The following ATP13A3 variants were observed in gnomAD, a reference collection of about 807,000 sequenced individuals.
ATP13A3 encodes polyamine-transporting ATPase 13A3.
In ATP13A3, 59 loss-of-function variants were observed where a neutral mutation model predicts 158.1. The ratio of observed to expected loss-of-function variants is 0.37; its 90% CI spans 0.30 to 0.46. The LOEUF (loss-of-function observed/expected upper bound fraction) is 0.46. Among genes scored for constraint, ATP13A3 ranks in the 20% least tolerant of loss-of-function variants. The pLI, the probability that ATP13A3 is intolerant of heterozygous loss-of-function variation, is 1.00. For synonymous variants in ATP13A3, 491 were observed against 504.3 expected, an observed-to-expected ratio of 0.97 and a Z score of 0.35; for missense variants, 1,166 against 1,525.2, an observed-to-expected ratio of 0.76 and a Z score of 3.92.
chr3:194,459,257 C>T (rs535486487), intron 6 of ATP13A3: 6 of 511,794 alleles, frequency 1.2e-5, no homozygotes, highest in Admixed American at 7.0e-5. Flanking sequence ...CTCTAAGTTT[C>T]ATGTAAACTC....
intron 6 of ATP13A3, chr3:194,459,045 A>G (rs1474272505): frequency 1.3e-5 from 2 of 158,390 alleles, no homozygotes; most frequent in African/African-American, 2.4e-5. Flanking sequence ...AGCTTGCCCC[A>G]TTCTTTATCT....
intron 3 of ATP13A3, 109 bp downstream of exon 3, chr3:194,462,031 G>T: frequency 9.9e-7 from 1 of 1,009,320 alleles, no homozygotes; most frequent in Non-Finnish European, 1.5e-6. Context: ...AGCCCATTGA[G>T]TTAGCTGCTG....
At chr3:194,468,386 T>TAAAAAAAAAAAAAAAAA (rs35011462) in intron 2 of ATP13A3, 17 of 111,872 alleles carry the variant, frequency 1.5e-4, no homozygotes, top group African/African-American at 6.7e-4. Context: ...TGTGTGAGTT[T>TAAAAAAAAAAAAAAAAA]AAAAAAAAAA....
In ATP13A3 at chr3:194,432,335, G is replaced by GT. The variant is rs1302302653; in HGVS notation, c.2246-444dup. On this transcript the variant is annotated intron_variant, in intron 21 of 33. Transcript: ENST00000645319. ...AAGCAAGATCATACAAAACAAAAAG[G>GT]TAAGACAGGTAATAAGAACAGGTGT... is the stretch of plus-strand genomic sequence containing the variant. Among the ~76,000 whole-genome samples, 6 of 152,098 alleles carry GT rather than the reference G, an allele frequency of 3.9e-5. No homozygotes were observed. The South Asian group carries it at 8.3e-4, about 21-fold the overall frequency.
intron 29 of ATP13A3, among the ~76,000 whole-genome samples, chr3:194,426,795 G>A (rs1280422664): frequency 1.3e-5 from 2 of 152,088 alleles, no homozygotes; most frequent in East Asian, 3.9e-4. Context: ...CCAAGTTGCT[G>A]GGATTACAGA....
chr3:194,459,882 C>T lies in ATP13A3; in HGVS notation c.315G>A (p.Lys105=). 6.2e-7 allele frequency: 1 copy of T among 1,613,120 alleles called. No individual in the cohort carries two copies. Among genetic ancestry groups the T allele is most frequent in the South Asian group, 1.1e-5 (1 of 91,030 alleles). Residue 105 remains lysine (K), a synonymous_variant, in exon 5 of 34, where the codon AAG becomes AAA. Coordinates refer to ENST00000645319, the MANE Select transcript of ATP13A3 (RefSeq NM_001367549.1). ...AACAAACTGCATGGCCATTTGAAAGCTTATTAGACATAGATTTTGGACTTG... is the reference window on the plus strand; with the variant it reads ...AACAAACTGCATGGCCATTTGAAAGTTTATTAGACATAGATTTTGGACTTG... ...PVSSPKSMSN[K]LSNGHAVCLI...
chr3:194,434,029 A>G (rs551777867), intron 20 of ATP13A3, 133 bp from the exon 21 acceptor site: 83 of 964,746 alleles, frequency 8.6e-5, no homozygotes, highest in Non-Finnish European at 1.2e-4. Context: ...CTATAAATGA[A>G]AACATTTTAT....
chr3:194,487,088 G>A (rs1721037829), upstream of ATP13A3: 1 of 151,926 alleles, frequency 6.6e-6, no homozygotes, highest in South Asian at 2.1e-4. Context: ...GCGGGGAAGG[G>A]GCGGGGAGGG....
At chr3:194,406,172 G>A (rs761849743) in intron 33 of ATP13A3, 56 bp from the exon 34 acceptor site, 40 of 1,563,510 alleles carry the variant, frequency 2.6e-5, no homozygotes, top group South Asian at 5.7e-5. Flanking sequence ...AAGGCTTGTC[G>A]TTTTAAACAG....
Position 194,456,009 on chromosome 3 carries a change from T to C in ATP13A3, c.561-47A>G, listed in dbSNP as rs754154492. On this transcript the variant is annotated intron_variant, in intron 7 of 33. Coordinates refer to ENST00000645319, the MANE Select transcript of ATP13A3 (RefSeq NM_001367549.1). ...ATAGTATTACATTATATCATAATAG[T>C]ATAATTTACGAAAGGCATTGTATTA... is the stretch of plus-strand genomic sequence containing the variant. 9.8e-6 allele frequency: 12 copies of C among 1,223,432 alleles called. No homozygotes were observed. In the South Asian group the frequency reaches 1.5e-4, roughly 15 times the overall value. 75.8% of individuals were successfully genotyped at this position (1,223,432 alleles called of 1,614,324 possible).
At chr3:194,454,588 G>A (rs907018879) in intron 8 of ATP13A3, among the ~76,000 whole-genome samples, 196 bp from the exon 9 acceptor site, 25 of 151,846 alleles carry the variant, frequency 1.6e-4, no homozygotes, top group Non-Finnish European at 3.4e-4. Context: ...CAGCACTTTG[G>A]GAGGCCAAGG....
rs1025978559 is a variant in ATP13A3 at position 194,411,076 on chromosome 3, A to T, written c.3573+1123T>A. Among the ~76,000 whole-genome samples the T allele has an allele frequency of 2.6e-5, 4 of 151,316 alleles. No individual in the cohort carries two copies. The South Asian group carries it at 8.4e-4, about 32-fold the overall frequency. ...TTACACTGCTTTCAGGAAAAAAAAA[A>T]ACTGAGGCTGACTGCATTCCATCAT... On this transcript the variant is annotated intron_variant, in intron 33 of 33. Coordinates refer to ENST00000645319, the MANE Select transcript of ATP13A3 (RefSeq NM_001367549.1).
At position 194,405,156 on chromosome 3, in the gene ATP13A3, A is replaced by G. The variant is rs1230254189; in HGVS notation, c.*763T>C. On this transcript the variant is annotated 3_prime_UTR_variant, in exon 34 of 34. Transcript: ENST00000645319. The stretch of plus-strand genomic sequence containing the variant: ...CTTATTTCCTAGTGAAAAAGGTTCT[A>G]CAACATTTAACAGAAGCAAATTAGA... The G allele has an allele frequency of 6.6e-6, 1 of 152,258 alleles. No homozygotes were observed. Among genetic ancestry groups the G allele is most frequent in the Admixed American group, 6.5e-5 (1 of 15,290 alleles). 9.4% of individuals were successfully genotyped at this position (152,258 alleles called of 1,614,324 possible). A position where few individuals can be genotyped will look rare whatever the true frequency, so the allele number is the denominator to read the frequency against.
Position 194,494,271 on chromosome 3 carries a change from A to G in ATP13A3, n.525T>C, listed in dbSNP as rs1468380022. On this transcript the variant is annotated non_coding_transcript_exon_variant, in exon 2 of 33. Transcript: ENST00000687055. This position sits in a 1 kb window ranked among gnomAD's most constrained non-coding sequence, Gnocchi z 4.2. Reference sequence around the variant, plus strand: ...CCCCTCACAGCACACAGCGGTAGTCAGAAAGTATGCTGAGTAAGTGGAGAA... The same window carrying G: ...CCCCTCACAGCACACAGCGGTAGTCGGAAAGTATGCTGAGTAAGTGGAGAA... 3 of 398,650 alleles carry G rather than the reference A, an allele frequency of 7.5e-6. No individual in the cohort carries two copies. Among genetic ancestry groups the G allele is most frequent in the Non-Finnish European group, 1.3e-5 (3 of 226,092 alleles). 24.7% of individuals were successfully genotyped at this position (398,650 alleles called of 1,614,324 possible).
chr3:194,417,082 T>C (rs2108751515), intron 31 of ATP13A3, among the ~76,000 whole-genome samples: 1 of 152,310 alleles, frequency 6.6e-6, no homozygotes, highest in African/African-American at 2.4e-5. Flanking sequence ...AATTTATTGA[T>C]CAACTCTGTG....
chr3:194,408,631 C>T (rs1715127220), intron 33 of ATP13A3, among the ~76,000 whole-genome samples: 2 of 152,148 alleles, frequency 1.3e-5, no homozygotes, highest in Admixed American at 6.5e-5. Flanking sequence ...AACCCTATTA[C>T]AAACAGTGTA....
At chr3:194,456,086 T>G (rs1237610888) in intron 7 of ATP13A3, 124 bp from the exon 8 acceptor site, 1 of 531,374 alleles carries the variant, frequency 1.9e-6, no homozygotes, top group Non-Finnish European at 3.2e-6. Context: ...AACACCTGTC[T>G]TCTATAATTC....
At chr3:194,486,366 T>TC (rs950449468) in intron 1 of ATP13A3, among the ~76,000 whole-genome samples, 200 bp downstream of exon 1, 6 of 143,690 alleles carry the variant, frequency 4.2e-5, no homozygotes, top group Non-Finnish European at 9.2e-5. Flanking sequence ...AGGCGGCGCG[T>TC]CCCCCCCAGG....
chr3:194,430,898 C>A, intron 24 of ATP13A3, 45 bp downstream of exon 24: 1 of 1,443,868 alleles, frequency 6.9e-7, no homozygotes, highest in South Asian at 1.4e-5. Context: ...GAAATGAAAC[C>A]ATCATTCATC....
Sources: gnomAD v4.1 joint callset for allele counts (sites outside exome capture counted in the v4.1 genomes callset) on GRCh38, gnomAD v4.1.1 for gene constraint, Gnocchi (gnomAD v3.1) non-coding constraint, MANE v1.5 for transcripts, NCBI Gene and HGNC (gene_info 2026-07-23, HGNC 2026-07-21) for gene names.